ESR1: variants seen among roughly 807,000 people sequenced by gnomAD.
The protein encoded by ESR1 is estrogen receptor.
A neutral mutation model predicts 52.7 loss-of-function variants in ESR1; 12 were observed. That is an observed-to-expected ratio of 0.23 (90% CI 0.15 to 0.37). The LOEUF is 0.37. Ranked by LOEUF, ESR1 falls within the 10% of genes least tolerant of loss-of-function variation. The pLI is 1.00. For missense variants in ESR1, 584 were observed against 779.7 expected, an observed-to-expected ratio of 0.75 and a Z score of 2.99; for synonymous variants, 305 against 316.8, an observed-to-expected ratio of 0.96 and a Z score of 0.39.
intron 3 of ESR1, among the ~76,000 whole-genome samples, chr6:151,934,849 A>G (rs535253823): frequency 1.5e-3 from 236 of 152,356 alleles, no homozygotes; most frequent in African/African-American, 5.4e-3. Flanking sequence ...AATCATGATC[A>G]TATCCATAAT....
chr6:151,891,845 A>C (rs866394758), intron 3 of ESR1, among the ~76,000 whole-genome samples: 5 of 152,324 alleles, frequency 3.3e-5, no homozygotes, highest in Middle Eastern at 6.8e-3. Flanking sequence ...ATGTTGGCTT[A>C]GTTGCACAGC....
At position 151,708,642 on chromosome 6, in the gene ESR1, T is replaced by C. The variant is rs1364516995; in HGVS notation, c.-71+6637T>C. Among the ~76,000 whole-genome samples, 3 of 152,196 alleles carry C rather than the reference T, an allele frequency of 2.0e-5. No individual in the cohort carries two copies. In the South Asian group the frequency reaches 6.2e-4, roughly 31 times the overall value. Reference sequence around the variant, plus strand: ...AGCATTGTTAATTTTCTTTTCATTTTCTTGACTTCTAATGAGCTTAAGCAT... The same window carrying C: ...AGCATTGTTAATTTTCTTTTCATTTCCTTGACTTCTAATGAGCTTAAGCAT... On this transcript the variant is annotated intron_variant, in intron 2 of 2. Transcript: ENST00000404742.
At chr6:151,807,500 G>C (rs1385949737), upstream of ESR1, 3 of 294,694 alleles carry the variant, frequency 1.0e-5, no homozygotes, top group African/African-American at 4.3e-5. Flanking sequence ...CAGCAGCGAC[G>C]ACAAGTAAAG....
intron 1 of ESR1, among the ~76,000 whole-genome samples, chr6:151,830,707 T>G (rs960011402): frequency 2.0e-5 from 3 of 152,082 alleles, no homozygotes; most frequent in African/African-American, 4.8e-5. Context: ...ACTAAATGGG[T>G]TTTTAGGGAA....
upstream of ESR1, among the ~76,000 whole-genome samples, chr6:151,799,635 T>C (rs550994666): frequency 6.6e-6 from 1 of 152,184 alleles, no homozygotes; most frequent in Non-Finnish European, 1.5e-5. Flanking sequence ...ACAGGCCAAC[T>C]TGGGGAAGCA....
intron 3 of ESR1, among the ~76,000 whole-genome samples, chr6:151,884,572 G>T (rs147430455): frequency 5.9e-5 from 9 of 152,268 alleles, no homozygotes; most frequent in East Asian, 1.9e-4. Flanking sequence ...ATTCACTGAA[G>T]ATCTATTGTA....
At chr6:151,969,125 T>G (rs1337760083) in intron 4 of ESR1, among the ~76,000 whole-genome samples, 1 of 152,170 alleles carries the variant, frequency 6.6e-6, no homozygotes, top group Non-Finnish European at 1.5e-5. Context: ...CAGGGTGCTT[T>G]GCATTGGTGA....
intron 6 of ESR1, among the ~76,000 whole-genome samples, chr6:152,092,427 C>A: frequency 6.6e-6 from 1 of 152,154 alleles, no homozygotes; most frequent in Non-Finnish European, 1.5e-5. Flanking sequence ...ACTATGAGTT[C>A]CTCTGTGTAG....
chr6:152,093,754 G>A (rs1051470207), intron 6 of ESR1, among the ~76,000 whole-genome samples: 1 of 152,164 alleles, frequency 6.6e-6, no homozygotes, highest in African/African-American at 2.4e-5. Context: ...GCTTAAAAGT[G>A]CTTAGACTTC....
At chr6:152,024,606 C>A (rs2043966534) in intron 5 of ESR1, among the ~76,000 whole-genome samples, 1 of 148,662 alleles carries the variant, frequency 6.7e-6, no homozygotes, top group Admixed American at 6.7e-5. Flanking sequence ...ATATTTGTGC[C>A]TATTGGATGC....
chr6:151,776,931 A>G (rs923979373), intron 2 of ESR1, among the ~76,000 whole-genome samples: 3 of 151,446 alleles, frequency 2.0e-5, no homozygotes, highest in African/African-American at 7.3e-5. Flanking sequence ...GATATACGTG[A>G]GTTTGACGGG....
At chr6:151,979,501 G>C (rs957532631) in intron 4 of ESR1, among the ~76,000 whole-genome samples, 2 of 152,004 alleles carry the variant, frequency 1.3e-5, no homozygotes, top group Non-Finnish European at 2.9e-5. Flanking sequence ...TCATAAGAGA[G>C]TTATGCCCTT....
At chr6:151,937,258 G>A (rs1035526380) in intron 3 of ESR1, among the ~76,000 whole-genome samples, 4 of 152,134 alleles carry the variant, frequency 2.6e-5, no homozygotes, top group Non-Finnish European at 4.4e-5. Context: ...ATATAAAAGC[G>A]TAGCTGCTCT....
intron 2 of ESR1, among the ~76,000 whole-genome samples, chr6:151,869,773 G>C (rs1452701328): frequency 6.6e-6 from 1 of 151,808 alleles, no homozygotes; most frequent in Non-Finnish European, 1.5e-5. Context: ...TTTTTTCTTT[G>C]AAAATTTACT....
chr6:152,063,831 G>A (rs1387065012), intron 6 of ESR1, among the ~76,000 whole-genome samples: 1 of 152,152 alleles, frequency 6.6e-6, no homozygotes, highest in African/African-American at 2.4e-5. Flanking sequence ...GTGTATGGAG[G>A]AACCCAAGGT....
chr6:152,107,510 C>T (rs1449100070), downstream of ESR1, among the ~76,000 whole-genome samples: 1 of 152,138 alleles, frequency 6.6e-6, no homozygotes, highest in Non-Finnish European at 1.5e-5. Flanking sequence ...TGTTGTCATA[C>T]TCTAATTCTT....
chr6:151,985,335 A>C (rs571200703), intron 4 of ESR1, among the ~76,000 whole-genome samples: 1 of 151,508 alleles, frequency 6.6e-6, no homozygotes, highest in Non-Finnish European at 1.5e-5. Flanking sequence ...GTGAAATCCT[A>C]TCTCTACTAA....
chr6:151,782,642 G>A (rs991767416), intron 2 of ESR1, among the ~76,000 whole-genome samples: 1 of 152,056 alleles, frequency 6.6e-6, no homozygotes, highest in African/African-American at 2.4e-5. Context: ...GTGTGTGGAG[G>A]TGCACATTTT....
At chr6:151,974,276 T>C (rs1179938405) in intron 4 of ESR1, among the ~76,000 whole-genome samples, 1 of 152,224 alleles carries the variant, frequency 6.6e-6, no homozygotes, top group African/African-American at 2.4e-5. Flanking sequence ...TATTGAGTAT[T>C]TGTTATGTGT....
Sources: gnomAD v4.1 joint callset for allele counts (sites outside exome capture counted in the v4.1 genomes callset) on GRCh38, gnomAD v4.1.1 for gene constraint, MANE v1.5 for transcripts, NCBI Gene and HGNC (gene_info 2026-07-23, HGNC 2026-07-21) for gene names.